Variants in PTPRD observed in about 807,000 individuals in gnomAD.
PTPRD encodes the protein receptor-type tyrosine-protein phosphatase delta.
Under a neutral mutation model 214.5 loss-of-function variants are expected in PTPRD, and 34 were observed. The ratio of observed to expected loss-of-function variants is 0.16; its 90% CI spans 0.12 to 0.21. The LOEUF is 0.21. PTPRD is among the 10% of genes least tolerant of loss of function. The pLI is 1.00. For synonymous variants in PTPRD, 1,128 were observed against 845.7 expected, an observed-to-expected ratio of 1.33 and a Z score of -5.79; for missense variants, 2,545 against 2,398.7, an observed-to-expected ratio of 1.06 and a Z score of -1.27.
At chr9:9,831,528 G>T (rs1226582309) in intron 5 of PTPRD, among the ~76,000 whole-genome samples, 2 of 151,802 alleles carry the variant, frequency 1.3e-5, no homozygotes, top group Non-Finnish European at 2.9e-5. Context: ...TGTCTGATAG[G>T]GTTGCTCATC....
intron 9 of PTPRD, among the ~76,000 whole-genome samples, chr9:9,206,273 C>T (rs2099944797): frequency 1.3e-5 from 2 of 152,040 alleles, no homozygotes; most frequent in Non-Finnish European, 2.9e-5. Flanking sequence ...GCTTTATAGA[C>T]CATTCAAAAG....
chr9:8,773,514 T>C (rs536869880), intron 11 of PTPRD, among the ~76,000 whole-genome samples: 28 of 152,212 alleles, frequency 1.8e-4, no homozygotes, highest in African/African-American at 6.0e-4. Flanking sequence ...CACTGTTGCA[T>C]GTATTTTATC....
chr9:10,503,812 T>C (rs1589604102), intron 2 of PTPRD, among the ~76,000 whole-genome samples: 1 of 151,822 alleles, frequency 6.6e-6, no homozygotes, highest in Non-Finnish European at 1.5e-5. Context: ...AAAGAGACTG[T>C]AATTTTAGAA....
At chr9:10,482,114 G>C (rs569765820) in intron 2 of PTPRD, among the ~76,000 whole-genome samples, 13 of 152,274 alleles carry the variant, frequency 8.5e-5, no homozygotes, top group Non-Finnish European at 1.8e-4. Flanking sequence ...GCTCACGCCT[G>C]TAATCCCAGC....
intron 14 of PTPRD, among the ~76,000 whole-genome samples, chr9:8,628,903 A>G (rs2096146585): frequency 6.6e-6 from 1 of 151,866 alleles, no homozygotes; most frequent in Non-Finnish European, 1.5e-5. Flanking sequence ...TACTGTAGAT[A>G]TGTTCTATGA....
intron 3 of PTPRD, among the ~76,000 whole-genome samples, chr9:10,060,776 T>TTTTCTTTCTTTCTTTCTTTC (rs759874831): frequency 7.6e-5 from 10 of 132,140 alleles, no homozygotes; most frequent in African/African-American, 3.6e-4. Flanking sequence ...CAGGTCTTGC[T>TTTTCTTTCTTTCTTTCTTTC]TTTCTTTCTT....
intron 14 of PTPRD, among the ~76,000 whole-genome samples, chr9:8,603,506 T>G (rs1038868180): frequency 3.3e-5 from 5 of 152,246 alleles, no homozygotes; most frequent in Middle Eastern, 3.4e-3. Flanking sequence ...ATTTGAGAAC[T>G]TTTTTCCTAT....
At chr9:9,322,399 C>T (rs1434825456) in intron 9 of PTPRD, among the ~76,000 whole-genome samples, 2 of 152,082 alleles carry the variant, frequency 1.3e-5, no homozygotes, top group East Asian at 1.9e-4. Context: ...CAAAAAAGAA[C>T]GCTAAAGTCC....
At chr9:10,193,034 TA>T (rs1388385125) in intron 3 of PTPRD, among the ~76,000 whole-genome samples, 2 of 152,146 alleles carry the variant, frequency 1.3e-5, no homozygotes, top group Non-Finnish European at 2.9e-5. Flanking sequence ...CTTATTACAG[TA>T]TAGGCCAATT....
intron 3 of PTPRD, among the ~76,000 whole-genome samples, chr9:10,047,661 A>AT (rs765084030): frequency 7.2e-5 from 11 of 152,034 alleles, no homozygotes; most frequent in Non-Finnish European, 1.3e-4. Flanking sequence ...TTGAAATTTC[A>AT]TTTTTTCTTA....
intron 10 of PTPRD, among the ~76,000 whole-genome samples, chr9:9,042,613 TCTTTTC>T (rs1478656827): frequency 2.4e-5 from 2 of 82,486 alleles, no homozygotes; most frequent in African/African-American, 3.8e-5. Context: ...TTCTTTTTTT[TCTTTTC>T]TTTTTTTTTT....
At chr9:10,143,051 A>T (rs1466492488) in intron 3 of PTPRD, among the ~76,000 whole-genome samples, 3 of 152,010 alleles carry the variant, frequency 2.0e-5, no homozygotes, top group Admixed American at 6.6e-5. Context: ...GCATATTGTC[A>T]CTCATAGGTG....
At chr9:9,070,419 A>G (rs2099742092) in intron 10 of PTPRD, among the ~76,000 whole-genome samples, 1 of 152,202 alleles carries the variant, frequency 6.6e-6, no homozygotes, top group Non-Finnish European at 1.5e-5. Context: ...CATAGGTAGC[A>G]ACATCGATCC....
intron 14 of PTPRD, among the ~76,000 whole-genome samples, chr9:8,617,263 G>A (rs1296327405): frequency 6.6e-6 from 1 of 152,044 alleles, no homozygotes; most frequent in Non-Finnish European, 1.5e-5. Context: ...AAAGAAGGCT[G>A]GGAGAATGAA....
chr9:10,138,804 A>G (rs1300000014), intron 3 of PTPRD, among the ~76,000 whole-genome samples: 1 of 152,148 alleles, frequency 6.6e-6, no homozygotes, highest in East Asian at 1.9e-4. Flanking sequence ...CAGAAACCAT[A>G]TGACCTCAAT....
intron 9 of PTPRD, among the ~76,000 whole-genome samples, chr9:9,208,423 A>G (rs1334250920): frequency 6.6e-6 from 1 of 152,050 alleles, no homozygotes; most frequent in East Asian, 1.9e-4. Flanking sequence ...TAAATAAATG[A>G]AAGTTAAGAT....
At chr9:9,599,790 C>G (rs1036823691) in intron 7 of PTPRD, among the ~76,000 whole-genome samples, 1 of 151,800 alleles carries the variant, frequency 6.6e-6, no homozygotes, top group Non-Finnish European at 1.5e-5. Context: ...TAAAATAGAA[C>G]ATAGGCTGCC....
intron 40 of PTPRD, 23 bp downstream of exon 40, chr9:8,341,670 C>T: frequency 6.2e-7 from 1 of 1,607,806 alleles, no homozygotes. Context: ...TCCTGAATAA[C>T]CACATCACAT....
intron 2 of PTPRD, among the ~76,000 whole-genome samples, chr9:10,342,410 G>C (rs7856548): frequency 0.29 from 44,107 of 151,862 alleles, 8,350 homozygotes; most frequent in African/African-American, 0.54. Context: ...ATACATTTAG[G>C]ATAAAACATG....
Sources: gnomAD v4.1 joint callset for allele counts (sites outside exome capture counted in the v4.1 genomes callset) on GRCh38, gnomAD v4.1.1 for gene constraint, MANE v1.5 for transcripts, NCBI Gene and HGNC (gene_info 2026-07-23, HGNC 2026-07-21) for gene names.